CHST11: variants seen among roughly 807,000 people sequenced by gnomAD.
CHST11 encodes the protein C4S-1.
CHST11 carries 9 observed loss-of-function variants against 30.4 expected under a neutral mutation model. The ratio of observed to expected loss-of-function variants is 0.30; its 90% confidence interval spans 0.18 to 0.52. The LOEUF (loss-of-function observed/expected upper bound fraction) is 0.52. Ranked by LOEUF, CHST11 falls within the 20% of genes least tolerant of loss-of-function variation. CHST11 has a pLI of 0.97. For synonymous variants in CHST11, 152 were observed against 187.8 expected (o/e 0.81, Z 1.56); for missense variants, 348 against 460.6 (o/e 0.76, Z 2.24).
intron 2 of CHST11, among the ~76,000 whole-genome samples, chr12:104,712,868 C>G (rs892273203): frequency 1.3e-5 from 2 of 152,020 alleles, no homozygotes; most frequent in African/African-American, 4.8e-5. Flanking sequence ...AGGCCCTGAC[C>G]CTGGCAACTT....
intron 2 of CHST11, among the ~76,000 whole-genome samples, chr12:104,708,522 G>A (rs911498414): frequency 2.0e-5 from 3 of 152,310 alleles, no homozygotes; most frequent in East Asian, 1.9e-4. Flanking sequence ...ACAAGGCTCT[G>A]TATGAGGAGT....
chr12:104,665,752 T>G (rs2039635682), intron 2 of CHST11, among the ~76,000 whole-genome samples: 2 of 110,744 alleles, frequency 1.8e-5, no homozygotes, highest in Admixed American at 1.2e-4. Flanking sequence ...CCATGATTTG[T>G]GGGGTGGGGG....
chr12:104,666,473 G>T (rs1011718239), intron 2 of CHST11, among the ~76,000 whole-genome samples: 1 of 152,118 alleles, frequency 6.6e-6, no homozygotes, highest in Non-Finnish European at 1.5e-5. Flanking sequence ...ATTAAGATAG[G>T]ACTATCCAAT....
intron 2 of CHST11, among the ~76,000 whole-genome samples, chr12:104,644,037 T>C (rs1231209519): frequency 6.6e-6 from 1 of 152,196 alleles, no homozygotes; most frequent in African/African-American, 2.4e-5. Flanking sequence ...GAGACTGCTT[T>C]TCTTGGACGG....
intron 1 of CHST11, among the ~76,000 whole-genome samples, chr12:104,549,460 A>G (rs2038384683): frequency 6.6e-6 from 1 of 152,154 alleles, no homozygotes. Flanking sequence ...CCTCTTCTTA[A>G]TTTTTGCAGA....
intron 2 of CHST11, among the ~76,000 whole-genome samples, chr12:104,687,075 T>G (rs901541073): frequency 1.3e-5 from 2 of 152,252 alleles, no homozygotes; most frequent in Non-Finnish European, 2.9e-5. Context: ...TCCTTCTGTA[T>G]AGATGCCACA....
intron 1 of CHST11, among the ~76,000 whole-genome samples, chr12:104,572,036 A>G (rs2038631523): frequency 6.6e-6 from 1 of 152,334 alleles, no homozygotes; most frequent in South Asian, 2.1e-4. Context: ...GCATATGTTG[A>G]ACCAGCCTTG....
At chr12:104,711,098 CT>C (rs138827819) in intron 2 of CHST11, among the ~76,000 whole-genome samples, 1,889 of 152,258 alleles carry the variant, frequency 0.012, 37 homozygotes, top group African/African-American at 0.043. Flanking sequence ...TATATTCTTT[CT>C]TCTTCCCTAG....
At chr12:104,673,840 T>C (rs771178915) in intron 2 of CHST11, among the ~76,000 whole-genome samples, 1 of 152,224 alleles carries the variant, frequency 6.6e-6, no homozygotes, top group Non-Finnish European at 1.5e-5. Flanking sequence ...AAAGATTAAA[T>C]GTGGTCAGCC....
intron 2 of CHST11, among the ~76,000 whole-genome samples, chr12:104,738,251 C>T (rs973390909): frequency 3.9e-5 from 6 of 152,170 alleles, no homozygotes; most frequent in African/African-American, 1.4e-4. Context: ...TGGAGCCCTT[C>T]CCCTTCCCGA....
chr12:104,744,133 G>A (rs1592870646), intron 2 of CHST11, among the ~76,000 whole-genome samples: 1 of 152,316 alleles, frequency 6.6e-6, no homozygotes, highest in Middle Eastern at 3.4e-3. Context: ...TAATGGGATT[G>A]CTGAGTCAAA....
In CHST11 at chr12:104,488,573, ATGTGTGTGTATG is replaced by A. The variant is rs1205654399; in HGVS notation, c.118+31046_118+31057del. On this transcript the variant is annotated intron_variant, in intron 1 of 2. Transcript: ENST00000303694. The stretch of plus-strand genomic sequence containing the variant: ...CGTGTATGTGTGTGTATGCGTGTGT[ATGTGTGTGTATG>A]TATGCGTATGTATGCGTATGTGTGT... Among the ~76,000 whole-genome samples the A allele has an allele frequency of 4.7e-5, 5 of 106,850 alleles. No individual in the cohort carries two copies. In the East Asian group the frequency reaches 2.2e-3, roughly 46 times the overall value. The allele number at this position is 106,850 out of a possible 152,430, so 70.1% of individuals were successfully genotyped here. A position where few individuals can be genotyped will look rare whatever the true frequency, so the allele number is the denominator to read the frequency against.
intron 1 of CHST11, among the ~76,000 whole-genome samples, chr12:104,575,535 T>G (rs1003259397): frequency 6.6e-6 from 1 of 152,164 alleles, no homozygotes; most frequent in Non-Finnish European, 1.5e-5. Context: ...GGGTCTTAAC[T>G]TAGACAACTG....
chr12:104,683,520 C>T (rs1453466416), intron 2 of CHST11, among the ~76,000 whole-genome samples: 3 of 152,066 alleles, frequency 2.0e-5, no homozygotes, highest in Admixed American at 6.6e-5. Flanking sequence ...TTGGGAGCAA[C>T]TTTGTGGGGT....
chr12:104,466,423 G>A lies in CHST11; in HGVS notation c.118+8894G>A, dbSNP rs183846542. On this transcript the variant is annotated intron_variant, in intron 1 of 2. Transcript: ENST00000303694. The stretch of plus-strand genomic sequence containing the variant: ...AGTTCAAGAACAAATTGATGGCAAA[G>A]CCGGAGAGTGGACCCTATAATGCTG... 2.6e-5 allele frequency among the ~76,000 whole-genome samples: 4 copies of A among 152,332 alleles called. No homozygotes were observed. In the East Asian group the frequency reaches 5.8e-4, roughly 22 times the overall value.
chr12:104,566,458 G>C (rs576441622), intron 1 of CHST11, among the ~76,000 whole-genome samples: 13 of 152,276 alleles, frequency 8.5e-5, no homozygotes, highest in African/African-American at 2.4e-4. Flanking sequence ...CTCAACAGCT[G>C]AACAAAAACG....
At chr12:104,727,353 A>G (rs899266299) in intron 2 of CHST11, among the ~76,000 whole-genome samples, 2 of 152,260 alleles carry the variant, frequency 1.3e-5, no homozygotes, top group African/African-American at 4.8e-5. Context: ...AATATACAGC[A>G]AGGCCAGGGA....
At chr12:104,633,619 G>A (rs1392918478) in intron 2 of CHST11, among the ~76,000 whole-genome samples, 3 of 152,032 alleles carry the variant, frequency 2.0e-5, no homozygotes, top group African/African-American at 7.2e-5. Context: ...GTTTCACCAT[G>A]TTGGCCAGGC....
intron 2 of CHST11, among the ~76,000 whole-genome samples, chr12:104,740,403 G>A (rs1319496942): frequency 6.6e-6 from 1 of 152,194 alleles, no homozygotes; most frequent in African/African-American, 2.4e-5. Context: ...ACTCTGCCCT[G>A]GAATCCATCC....
Sources: gnomAD v4.1 joint callset for allele counts (sites outside exome capture counted in the v4.1 genomes callset) on GRCh38, gnomAD v4.1.1 for gene constraint, MANE v1.5 for transcripts, NCBI Gene and HGNC (gene_info 2026-07-23, HGNC 2026-07-21) for gene names.